The following CCDC93 variants were observed in gnomAD, a reference collection of about 807,000 sequenced individuals.
CCDC93 encodes the protein CCC complex scaffolding subunit CCDC93, also known as coiled-coil domain-containing protein 93.
A neutral mutation model predicts 108.2 loss-of-function variants in CCDC93; 61 were observed. That is an observed-to-expected ratio of 0.56 (90% CI 0.46 to 0.70). The LOEUF (loss-of-function observed/expected upper bound fraction) is 0.70. Ranked by LOEUF, CCDC93 falls within the 30% of genes least tolerant of loss-of-function variation. The probability of loss-of-function intolerance (pLI) is 0.00; values close to 1 mark genes in which losing one functional copy is unlikely to be tolerated. For synonymous variants in CCDC93, 276 were observed against 260.4 expected, an observed-to-expected ratio of 1.06 and a Z score of -0.58; for missense variants, 685 against 764.2, an observed-to-expected ratio of 0.90 and a Z score of 1.22.
intron 20 of CCDC93, among the ~76,000 whole-genome samples, chr2:117,937,126 C>T (rs549468909): frequency 9.2e-5 from 14 of 152,304 alleles, no homozygotes; most frequent in South Asian, 2.1e-4. Flanking sequence ...TAACAGCTTA[C>T]GGGAGTCAGA....
intron 23 of CCDC93, among the ~76,000 whole-genome samples, chr2:117,923,151 G>A (rs375478101): frequency 1.1e-4 from 16 of 152,148 alleles, no homozygotes; most frequent in South Asian, 2.1e-4. Flanking sequence ...CAAGATGGCC[G>A]AATAGGAACA....
intron 4 of CCDC93, chr2:117,997,534 G>A (rs989671392): frequency 5.3e-5 from 8 of 152,318 alleles, no homozygotes; most frequent in Middle Eastern, 3.4e-3. Context: ...CGGTGTTCCC[G>A]CAGATGTTTG....
At chr2:117,994,173 G>A (rs1680571593) in intron 6 of CCDC93, among the ~76,000 whole-genome samples, 1 of 151,588 alleles carries the variant, frequency 6.6e-6, no homozygotes, top group Admixed American at 6.6e-5. Flanking sequence ...AATTAAAAGC[G>A]GTTGCTTCCG....
intron 8 of CCDC93, among the ~76,000 whole-genome samples, chr2:117,977,737 C>A (rs559624388): frequency 6.6e-6 from 1 of 152,166 alleles, no homozygotes; most frequent in East Asian, 1.9e-4. Context: ...AGCCACTAGA[C>A]CCCAAGTGAC....
At chr2:117,974,356 T>TG (rs1309704561) in intron 10 of CCDC93, among the ~76,000 whole-genome samples, 2 of 152,042 alleles carry the variant, frequency 1.3e-5, no homozygotes, top group African/African-American at 4.8e-5. Context: ...GAGAAGAGCA[T>TG]GGGAAAGGAC....
At chr2:117,953,227 C>T (rs1398575287) in intron 12 of CCDC93, among the ~76,000 whole-genome samples, 1 of 152,172 alleles carries the variant, frequency 6.6e-6, no homozygotes, top group Non-Finnish European at 1.5e-5. Flanking sequence ...AAGTAACATG[C>T]CCCATCCTTG....
At chr2:118,000,609 T>A in intron 4 of CCDC93, 1 of 492,674 alleles carries the variant, frequency 2.0e-6, no homozygotes, top group South Asian at 3.2e-5. Flanking sequence ...TTCAAAGATC[T>A]TATCAGGTGA....
chr2:117,998,792 T>G (rs1680746953), intron 4 of CCDC93: 1 of 152,202 alleles, frequency 6.6e-6, no homozygotes, highest in African/African-American at 2.4e-5. Flanking sequence ...ACTTCACAGT[T>G]TGATGATATT....
intron 20 of CCDC93, among the ~76,000 whole-genome samples, chr2:117,937,927 T>G (rs1475037045): frequency 1.3e-5 from 2 of 152,220 alleles, no homozygotes; most frequent in African/African-American, 4.8e-5. Flanking sequence ...CTGGTTTGTC[T>G]GACAGCAGGC....
chr2:117,938,551 A>G (rs893695043), intron 20 of CCDC93, among the ~76,000 whole-genome samples: 6 of 65,398 alleles, frequency 9.2e-5, no homozygotes, highest in Non-Finnish European at 1.7e-4. Flanking sequence ...GAAAAAAAAG[A>G]CAAGAAAAAA....
intron 23 of CCDC93, among the ~76,000 whole-genome samples, chr2:117,923,491 C>A (rs948558066): frequency 7.2e-5 from 11 of 152,218 alleles, no homozygotes; most frequent in African/African-American, 2.7e-4. Flanking sequence ...CTCAGAGGAT[C>A]CTACGCCCAT....
intron 23 of CCDC93, among the ~76,000 whole-genome samples, chr2:117,928,479 C>T (rs1259671331): frequency 1.3e-5 from 2 of 152,286 alleles, no homozygotes; most frequent in East Asian, 3.9e-4. Context: ...CAAAAGAAGA[C>T]ATTTATGCAG....
At chr2:117,951,265 G>A (rs561046387) in intron 13 of CCDC93, 43 of 985,354 alleles carry the variant, frequency 4.4e-5, no homozygotes, top group East Asian at 2.3e-4. Flanking sequence ...CATCTAATCC[G>A]TAAGGAACCC....
intron 7 of CCDC93, chr2:117,985,302 A>C: frequency 5.3e-6 from 1 of 189,526 alleles, no homozygotes; most frequent in Non-Finnish European, 9.8e-6. Flanking sequence ...AGTTAGTTCC[A>C]GCCACCCTAC....
At position 117,936,024 on chromosome 2, in the gene CCDC93, G is replaced by T. The variant is rs948485822; in HGVS notation, c.1644-445C>A. The stretch of plus-strand genomic sequence containing the variant: ...AAACCAGGGGAAGCTGTGGTTTTTT[G>T]TTTTTTTTTTTAAGAAAAGAAGCTT... On this transcript the variant is annotated intron_variant, in intron 21 of 23. Transcript: ENST00000376300. 3.8e-3 allele frequency among the ~76,000 whole-genome samples: 543 copies of T among 143,464 alleles called. 4 individuals are homozygous for T. The highest frequency in any genetic ancestry group is 0.013 in the African/African-American group (519 of 39,418). The allele number at this position is 143,464 out of a possible 152,430, so 94.1% of individuals were successfully genotyped here. A position where few individuals can be genotyped will look rare whatever the true frequency, so the allele number is the denominator to read the frequency against.
intron 3 of CCDC93, among the ~76,000 whole-genome samples, chr2:118,006,184 G>A (rs1219061613): frequency 1.3e-5 from 2 of 152,196 alleles, no homozygotes; most frequent in African/African-American, 4.8e-5. Context: ...CATATCTGAG[G>A]TCAGGAATCT....
intron 13 of CCDC93, chr2:117,949,822 A>G: frequency 2.0e-6 from 2 of 985,404 alleles, no homozygotes; most frequent in Non-Finnish European, 2.4e-6. Flanking sequence ...CTATTACATT[A>G]GAACACAAGA....
chr2:117,924,573 T>G (rs1306037223), intron 23 of CCDC93, among the ~76,000 whole-genome samples: 1 of 152,076 alleles, frequency 6.6e-6, no homozygotes, highest in Non-Finnish European at 1.5e-5. Flanking sequence ...AAGAGGGGTT[T>G]GGAGAAAAAA....
chr2:118,003,453 C>T (rs941097453), intron 3 of CCDC93, among the ~76,000 whole-genome samples: 1 of 152,196 alleles, frequency 6.6e-6, no homozygotes, highest in Non-Finnish European at 1.5e-5. Flanking sequence ...TCCCAACTAA[C>T]TATGCAGGGG....
Sources: allele counts gnomAD v4.1 joint callset (sites outside exome capture counted in the v4.1 genomes callset), GRCh38; gene constraint gnomAD v4.1.1; transcripts MANE v1.5; gene names NCBI Gene and HGNC (gene_info 2026-07-23, HGNC 2026-07-21).